BICD1: variants seen among roughly 807,000 people sequenced by gnomAD.
The protein encoded by BICD1 is BICD cargo adaptor 1.
In BICD1, 35 loss-of-function variants were observed where a neutral mutation model predicts 92.5. The observed-to-expected ratio is 0.38, with a 90% CI of 0.29 to 0.50. The LOEUF (loss-of-function observed/expected upper bound fraction) is 0.50, where lower values mean the gene tolerates loss of function less well. Among genes scored for constraint, BICD1 ranks in the 20% least tolerant of loss-of-function variants. The pLI is 0.93. For synonymous variants in BICD1, 429 were observed against 465.1 expected (o/e 0.92, Z 1.00); for missense variants, 950 against 1,189.8 (o/e 0.80, Z 2.97).
Position 32,107,320 on chromosome 12 carries a change from T to G in BICD1, c.-12T>G, listed in dbSNP as rs1367248933. 6.3e-7 allele frequency: 1 copy of G among 1,582,752 alleles called. No homozygotes were observed. The highest frequency in any genetic ancestry group is 1.8e-5 in the Admixed American group (1 of 54,786). ...ACCCCGTAACCCCCTCCTGCCTCCA[T>G]CCACCGGGGCTATGGCCGCAGAAGA... On this transcript the variant is annotated 5_prime_UTR_variant, in exon 1 of 10. Transcript: ENST00000652176.
At chr12:32,289,845 T>A (rs1947679734) in intron 2 of BICD1, among the ~76,000 whole-genome samples, 1 of 152,260 alleles carries the variant, frequency 6.6e-6, no homozygotes, top group Non-Finnish European at 1.5e-5. Flanking sequence ...GCCCATTTTT[T>A]TGTTTTTAGG....
At chr12:32,283,057 G>A (rs1947462151) in intron 2 of BICD1, among the ~76,000 whole-genome samples, 1 of 152,166 alleles carries the variant, frequency 6.6e-6, no homozygotes, top group Non-Finnish European at 1.5e-5. Context: ...AATGAAGGTG[G>A]GGATAGAAGC....
In BICD1 at chr12:32,284,538, A is replaced by G. The variant is rs548869260; in HGVS notation, c.427-9456A>G. 3.9e-5 allele frequency among the ~76,000 whole-genome samples: 6 copies of G among 152,064 alleles called. No individual in the cohort carries two copies. The South Asian group carries it at 6.3e-4, about 16-fold the overall frequency. On this transcript the variant is annotated intron_variant, in intron 2 of 9. Transcript: ENST00000652176. ...CCGATCTGTCCCCTCCGTATTCTTCATGTCTTCTCTCATGTTGGGCATTGG... is the reference window on the plus strand; with the variant it reads ...CCGATCTGTCCCCTCCGTATTCTTCGTGTCTTCTCTCATGTTGGGCATTGG...
In BICD1 at chr12:32,328,235, C is replaced by A. The variant is rs774749871; in HGVS notation, c.1780C>A (p.Pro594Thr). Residue 594 changes from proline to threonine, a missense_variant, in exon 5 of 10, where the codon CCA (proline) becomes ACA (threonine). Pro to Thr is a conservative substitution (Grantham distance 38). Transcript: ENST00000652176. This position sits in a 1 kb window ranked among gnomAD's most constrained non-coding sequence, Gnocchi z 4.4. The stretch of plus-strand genomic sequence containing the variant: ...CACAGAGGCCAGCAAAGAACCAAGT[C>A]CAACTAAGACCCCCACAATCTCTCC... ...ESTEASKEPSPTKTPTISPVI... is the reference protein window; with the variant it reads ...ESTEASKEPSTTKTPTISPVI... 1 of 1,614,168 alleles carries A rather than the reference C, an allele frequency of 6.2e-7. No homozygotes were observed. The highest frequency in any genetic ancestry group is 1.1e-5 in the South Asian group (1 of 91,076).
chr12:32,216,415 G>A lies in BICD1; in HGVS notation c.382G>A (p.Ala128Thr). ...CCGGGCTGTGGTCACTAATGTACAG[G>A]CAGAAAACGAGAGGCTCACCGCAGT... The part of the protein sequence containing the change: ...QSRAVVTNVQ[A>T]ENERLTAVVQ... The change falls in exon 2 of 10, where the codon GCA becomes ACA. Residue 128 changes from alanine to threonine, a missense_variant. By Grantham distance (58) the Ala-to-Thr change is moderately conservative (BLOSUM62 0). Transcript: ENST00000652176. 1 of 1,614,172 alleles carries A rather than the reference G, an allele frequency of 6.2e-7. No individual in the cohort carries two copies. Among genetic ancestry groups the A allele is most frequent in the South Asian group, 1.1e-5 (1 of 91,082 alleles).
chr12:32,246,327 A>AT (rs1491202768), intron 2 of BICD1, among the ~76,000 whole-genome samples: 1 of 137,780 alleles, frequency 7.3e-6, no homozygotes, highest in Non-Finnish European at 1.5e-5. Context: ...AAAAAAAAAA[A>AT]GGTTGATTAA....
intron 2 of BICD1, among the ~76,000 whole-genome samples, chr12:32,260,727 T>C (rs1292000500): frequency 6.6e-6 from 1 of 152,050 alleles, no homozygotes; most frequent in South Asian, 2.1e-4. Context: ...GAAAACATGG[T>C]TGTCTATCAT....
chr12:32,116,488 CTCTTTCTCTCTCTCTCTCTCTCTATATA>C (rs1565524929), intron 1 of BICD1, among the ~76,000 whole-genome samples: 40 of 125,976 alleles, frequency 3.2e-4, no homozygotes, highest in African/African-American at 1.1e-3. Context: ...CTCTCTCTCT[CTCTTTCTCTCTCTCTCTCTCTCTATATA>C]TATATATATA....
At chr12:32,107,886 C>T in intron 1 of BICD1, 2 of 597,118 alleles carry the variant, frequency 3.3e-6, no homozygotes, top group Admixed American at 2.8e-5. Context: ...TTATCTCAAA[C>T]CCAGGTTTCA....
intron 1 of BICD1, among the ~76,000 whole-genome samples, chr12:32,209,174 A>G (rs2121549783): frequency 6.6e-6 from 1 of 152,270 alleles, no homozygotes; most frequent in Admixed American, 6.5e-5. Flanking sequence ...GAGCTTTCAT[A>G]CCTCTTAAAC....
chr12:32,154,567 A>G (rs911687839), intron 1 of BICD1, among the ~76,000 whole-genome samples: 2 of 152,198 alleles, frequency 1.3e-5, no homozygotes, highest in Non-Finnish European at 2.9e-5. Context: ...ACTCATTTTT[A>G]TGACTTTGCA....
intron 2 of BICD1, among the ~76,000 whole-genome samples, chr12:32,239,100 A>T (rs2136077429): frequency 6.7e-6 from 1 of 148,506 alleles, no homozygotes; most frequent in Non-Finnish European, 1.5e-5. Flanking sequence ...CAAAAAAATT[A>T]GCTGGGCGTG....
rs184601105 is a variant in BICD1, at chr12:32,175,309, T to C, written c.214-40938T>C. The stretch of plus-strand genomic sequence containing the variant: ...CTTTTTACCTTGTGTTTCTAACACA[T>C]ACTAAGCTTTTTTTCTTTTTCTTCT... On this transcript the variant is annotated intron_variant, in intron 1 of 9. Transcript: ENST00000652176. 2.1e-4 allele frequency among the ~76,000 whole-genome samples: 32 copies of C among 152,274 alleles called. No homozygotes were observed. The East Asian group carries it at 6.0e-3, about 28-fold the overall frequency.
At chr12:32,113,876 A>AT (rs1056671545) in intron 1 of BICD1, among the ~76,000 whole-genome samples, 12 of 142,542 alleles carry the variant, frequency 8.4e-5, no homozygotes, top group South Asian at 2.2e-4. Context: ...TGCCTGAATA[A>AT]TTTTTTTTTT....
At chr12:32,214,148 T>C (rs1283443332) in intron 1 of BICD1, among the ~76,000 whole-genome samples, 4 of 152,210 alleles carry the variant, frequency 2.6e-5, no homozygotes, top group Non-Finnish European at 4.4e-5. Flanking sequence ...TCCTGTCTCC[T>C]TTTGACATAT....
intron 3 of BICD1, among the ~76,000 whole-genome samples, chr12:32,304,493 A>G (rs1948157610): frequency 6.6e-6 from 1 of 152,220 alleles, no homozygotes; most frequent in Non-Finnish European, 1.5e-5. Flanking sequence ...CTGAAGCACT[A>G]TGAGGAGCAA....
intron 1 of BICD1, among the ~76,000 whole-genome samples, chr12:32,142,352 G>A (rs1192141918): frequency 7.1e-6 from 1 of 141,220 alleles, no homozygotes; most frequent in African/African-American, 2.6e-5. Context: ...GTTGCAGTGA[G>A]CTGAGATCGT....
chr12:32,368,073 A>G (rs777567368), intron 9 of BICD1: 3 of 234,398 alleles, frequency 1.3e-5, no homozygotes, highest in Non-Finnish European at 2.5e-5. Flanking sequence ...TGTTTGTCCT[A>G]CTTTTTATTT....
At chr12:32,307,375 A>G (rs1592648743) in intron 4 of BICD1, among the ~76,000 whole-genome samples, 1 of 152,212 alleles carries the variant, frequency 6.6e-6, no homozygotes, top group Non-Finnish European at 1.5e-5. Flanking sequence ...ATCGCTTTCT[A>G]GTTTAGAGTC....
Sources: gnomAD v4.1 joint callset for allele counts (sites outside exome capture counted in the v4.1 genomes callset) on GRCh38, gnomAD v4.1.1 for gene constraint, Gnocchi (gnomAD v3.1) non-coding constraint, MANE v1.5 for transcripts, NCBI Gene and HGNC (gene_info 2026-07-23, HGNC 2026-07-21) for gene names.